Variants in PAGE2B observed in about 807,000 individuals in gnomAD.
PAGE2B encodes putative G antigen family E member 3.
In PAGE2B, 5 loss-of-function variants were observed where a neutral mutation model predicts 7.6. The ratio of observed to expected loss-of-function variants is 0.66; its 90% CI spans 0.34 to 1.38. The LOEUF (loss-of-function observed/expected upper bound fraction) is 1.38, where lower values mean the gene tolerates loss of function less well. Among genes scored for constraint, PAGE2B ranks in the 40% most tolerant of loss-of-function variants. The pLI is 0.04. For synonymous variants in PAGE2B, 29 were observed against 26.7 expected, an observed-to-expected ratio of 1.09 and a Z score of -0.27; for missense variants, 70 against 78.4, an observed-to-expected ratio of 0.89 and a Z score of 0.41.
At chrX:55,039,004 A>G in the PAGE2B span, among the ~76,000 whole-genome samples, 1 of 111,876 alleles carries the variant, frequency 8.9e-6, no homozygotes, top group African/African-American at 3.2e-5. Flanking sequence ...TAAAAATAGA[A>G]ATACTACACA....
At chrX:55,030,231 G>C in the PAGE2B span, among the ~76,000 whole-genome samples, 1 of 111,626 alleles carries the variant, frequency 9.0e-6, no homozygotes, top group South Asian at 3.7e-4. Context: ...GACTTGCCTA[G>C]GGTCTCACAG....
chrX:55,057,150 G>A, the PAGE2B span, among the ~76,000 whole-genome samples: 1 of 111,009 alleles, frequency 9.0e-6, no homozygotes, highest in Admixed American at 9.6e-5. Flanking sequence ...ACTGTGGTGG[G>A]AAAGGGGAGA....
the PAGE2B span, among the ~76,000 whole-genome samples, chrX:55,033,044 A>G: frequency 9.0e-6 from 1 of 111,043 alleles, no homozygotes; most frequent in Non-Finnish European, 1.9e-5. Flanking sequence ...CTCAGAATTT[A>G]TCACACTGTA....
chrX:55,032,069 T>A, the PAGE2B span, among the ~76,000 whole-genome samples: 1 of 111,786 alleles, frequency 8.9e-6, no homozygotes, highest in Admixed American at 9.5e-5. Context: ...TCCCAAGGAT[T>A]TTCCCCCCTC....
rs371358489 is a variant in PAGE2B, at chrX:55,076,722, A to G, written c.193+45A>G. 286 of 1,049,228 alleles carry G rather than the reference A, an allele frequency of 2.7e-4. 1 individual carries two copies. The African/African-American group carries it at 4.5e-3, about 16-fold the overall frequency. 86.5% of individuals were successfully genotyped at this position (1,049,228 alleles called of 1,213,427 possible). A position where few individuals can be genotyped will look rare whatever the true frequency, so the allele number is the denominator to read the frequency against. Reference sequence around the variant, plus strand: ...TAATGCTTATGGGTGGTGGAGGTCTATTTATGCATTGTATTTTATGACATA... The same window carrying G: ...TAATGCTTATGGGTGGTGGAGGTCTGTTTATGCATTGTATTTTATGACATA... On this transcript the variant is annotated intron_variant, in intron 3 of 4. Coordinates refer to ENST00000374971, the MANE Select transcript of PAGE2B (RefSeq NM_001015038.3).
the PAGE2B span, among the ~76,000 whole-genome samples, chrX:55,050,966 T>C: frequency 9.1e-3 from 1,018 of 111,938 alleles, 12 homozygotes; most frequent in African/African-American, 0.031. Flanking sequence ...CTTTCCATTT[T>C]TAGTGCTTCC....
chrX:55,051,210 C>A, the PAGE2B span, among the ~76,000 whole-genome samples: 4 of 111,481 alleles, frequency 3.6e-5, no homozygotes, highest in Non-Finnish European at 5.6e-5. Flanking sequence ...CTTTGTGGGT[C>A]ACCCGACCTT....
At chrX:55,045,591 C>A in the PAGE2B span, among the ~76,000 whole-genome samples, 7 of 111,210 alleles carry the variant, frequency 6.3e-5, no homozygotes, top group Admixed American at 6.8e-4. Context: ...CCATCCCTAG[C>A]CATACAGGAG....
At chrX:55,050,942 G>C in the PAGE2B span, among the ~76,000 whole-genome samples, 1 of 111,714 alleles carries the variant, frequency 9.0e-6, no homozygotes, top group African/African-American at 3.3e-5. Flanking sequence ...TGCATTGGCT[G>C]GTACCGGTTG....
At chrX:55,047,241 C>T in the PAGE2B span, among the ~76,000 whole-genome samples, 2 of 111,253 alleles carry the variant, frequency 1.8e-5, no homozygotes, top group Admixed American at 1.9e-4. Context: ...ATCCATGTCC[C>T]TACAAAGGAC....
chrX:55,036,923 T>C, the PAGE2B span, among the ~76,000 whole-genome samples: 1 of 110,196 alleles, frequency 9.1e-6, no homozygotes, highest in Admixed American at 9.7e-5. Flanking sequence ...AAGACTTACA[T>C]GTTAGACCTA....
At chrX:55,046,361 G>A in the PAGE2B span, among the ~76,000 whole-genome samples, 3 of 111,408 alleles carry the variant, frequency 2.7e-5, no homozygotes, top group South Asian at 3.8e-4. Flanking sequence ...TGATCTGCCC[G>A]CCTCGGCCTC....
At chrX:55,050,867 A>G in the PAGE2B span, among the ~76,000 whole-genome samples, 1 of 111,167 alleles carries the variant, frequency 9.0e-6, no homozygotes, top group Non-Finnish European at 1.9e-5. Flanking sequence ...TTAGCTGGTT[A>G]TTTTGCTCAT....
chrX:55,056,274 AG>A, the PAGE2B span, among the ~76,000 whole-genome samples: 1 of 110,254 alleles, frequency 9.1e-6, no homozygotes, highest in Non-Finnish European at 1.9e-5. Flanking sequence ...AGGTTGGGAG[AG>A]TGGTGGGAGA....
upstream of PAGE2B, among the ~76,000 whole-genome samples, chrX:55,073,137 A>G (rs1340241790): frequency 9.0e-6 from 1 of 111,467 alleles, no homozygotes; most frequent in African/African-American, 3.3e-5. Context: ...AACTCCTGCA[A>G]CTAGCTCAGT....
At chrX:55,058,729 G>T in the PAGE2B span, among the ~76,000 whole-genome samples, 1 of 111,334 alleles carries the variant, frequency 9.0e-6, no homozygotes. Flanking sequence ...TGAATTTACA[G>T]TTGAGGTACT....
the PAGE2B span, among the ~76,000 whole-genome samples, chrX:55,057,349 G>C: frequency 8.9e-6 from 1 of 112,076 alleles, no homozygotes; most frequent in African/African-American, 3.2e-5. Flanking sequence ...AGACTGTATG[G>C]AGGATGGGTA....
At chrX:55,034,228 G>A in the PAGE2B span, among the ~76,000 whole-genome samples, 1 of 111,584 alleles carries the variant, frequency 9.0e-6, no homozygotes, top group South Asian at 3.7e-4. Flanking sequence ...TCCCAGACGT[G>A]CTGTGGTTTC....
chrX:55,076,374 G>GTATA (rs112184909), intron 2 of PAGE2B, among the ~76,000 whole-genome samples, 195 bp from the exon 3 acceptor site: 1,798 of 100,331 alleles, frequency 0.018, 34 homozygotes, highest in African/African-American at 0.062. Context: ...ATGTATATAT[G>GTATA]TATGTATGTA....
Sources: allele counts gnomAD v4.1 joint callset (sites outside exome capture counted in the v4.1 genomes callset), GRCh38; gene constraint gnomAD v4.1.1; transcripts MANE v1.5; gene names NCBI Gene and HGNC (gene_info 2026-07-23, HGNC 2026-07-21).